The following GAREM1 variants were observed in gnomAD, a reference collection of about 807,000 sequenced individuals.
GAREM1 encodes the protein GRB2 associated regulator of MAPK1 subtype 1, also known as GRB2-associated and regulator of MAPK protein 1.
Under a neutral mutation model 71.3 loss-of-function variants are expected in GAREM1, and 26 were observed. The observed-to-expected ratio is 0.36, with a 90% CI of 0.27 to 0.51. The LOEUF (loss-of-function observed/expected upper bound fraction) is 0.51. Ranked by LOEUF, GAREM1 falls within the 20% of genes least tolerant of loss-of-function variation. The pLI is 0.95. For missense variants in GAREM1, 1,026 were observed against 1,103.1 expected (o/e 0.93, Z 0.99); for synonymous variants, 440 against 433.2 (o/e 1.02, Z -0.20).
chr18:32,294,142 C>T (rs2047115892), intron 3 of GAREM1, among the ~76,000 whole-genome samples: 1 of 152,166 alleles, frequency 6.6e-6, no homozygotes, highest in Non-Finnish European at 1.5e-5. Context: ...GTATCGTTAT[C>T]ACTGCTAATA....
intron 2 of GAREM1, among the ~76,000 whole-genome samples, chr18:32,358,296 G>A (rs1447772933): frequency 6.6e-6 from 1 of 152,080 alleles, no homozygotes; most frequent in East Asian, 1.9e-4. Context: ...CCCCTGCAGG[G>A]GAAGGGAACT....
chr18:32,301,503 A>C (rs1303898355), intron 3 of GAREM1, among the ~76,000 whole-genome samples: 1 of 148,878 alleles, frequency 6.7e-6, no homozygotes, highest in East Asian at 1.9e-4. Context: ...TGGAGGTCAC[A>C]CATGTGCTCT....
chr18:32,317,400 A>T (rs1172979093), intron 2 of GAREM1, among the ~76,000 whole-genome samples: 1 of 151,418 alleles, frequency 6.6e-6, no homozygotes, highest in African/African-American at 2.4e-5. Flanking sequence ...TCACAAAAAA[A>T]AAAAAAAAAA....
intron 1 of GAREM1, among the ~76,000 whole-genome samples, chr18:32,431,009 T>C (rs2048619421): frequency 6.6e-6 from 1 of 152,176 alleles, no homozygotes; most frequent in Non-Finnish European, 1.5e-5. Flanking sequence ...AATTTGAGTA[T>C]GAATCCCTTT....
chr18:32,300,906 C>CAAAAAAAAAAAAAAAAAAAAACAA (rs764891353), intron 3 of GAREM1, among the ~76,000 whole-genome samples: 1 of 83,342 alleles, frequency 1.2e-5, no homozygotes, highest in African/African-American at 3.7e-5. Context: ...AACTCCGTCT[C>CAAAAAAAAAAAAAAAAAAAAACAA]AAAAAAAAAA....
At chr18:32,355,534 T>C (rs915738398) in intron 2 of GAREM1, among the ~76,000 whole-genome samples, 10 of 152,186 alleles carry the variant, frequency 6.6e-5, no homozygotes, top group African/African-American at 2.4e-4. Flanking sequence ...GCTCAATGTT[T>C]CATCACTAAA....
intron 2 of GAREM1, among the ~76,000 whole-genome samples, chr18:32,389,490 A>G (rs2048176224): frequency 6.6e-6 from 1 of 152,194 alleles, no homozygotes; most frequent in Non-Finnish European, 1.5e-5. Flanking sequence ...TAGCTTGCCC[A>G]AAGTAATATA....
chr18:32,398,072 C>G (rs562253667), intron 1 of GAREM1, among the ~76,000 whole-genome samples: 3 of 152,220 alleles, frequency 2.0e-5, no homozygotes, highest in South Asian at 2.1e-4. Flanking sequence ...CTACTGGGTA[C>G]ATAACAAAAT....
intron 1 of GAREM1, among the ~76,000 whole-genome samples, chr18:32,414,987 C>G (rs2144689225): frequency 6.6e-6 from 1 of 151,772 alleles, no homozygotes; most frequent in Non-Finnish European, 1.5e-5. Context: ...AGGGAGAAGA[C>G]TCAAATAAAT....
intron 2 of GAREM1, 93 bp downstream of exon 2, chr18:32,392,802 T>C: frequency 7.4e-7 from 1 of 1,352,612 alleles, no homozygotes; most frequent in Non-Finnish European, 1.0e-6. Flanking sequence ...GTCATTCTAC[T>C]TTCTAGTTTA....
chr18:32,325,187 G>C (rs2047463331), intron 2 of GAREM1, among the ~76,000 whole-genome samples: 2 of 152,164 alleles, frequency 1.3e-5, no homozygotes, highest in Non-Finnish European at 1.5e-5. Flanking sequence ...TTGAACTCCT[G>C]ACCTCGTGAT....
At chr18:32,342,009 A>G (rs1005505624) in intron 2 of GAREM1, among the ~76,000 whole-genome samples, 2 of 152,088 alleles carry the variant, frequency 1.3e-5, no homozygotes, top group Non-Finnish European at 2.9e-5. Flanking sequence ...GCAGGCCACC[A>G]AAAAAGAAAA....
At chr18:32,457,542 AAAAG>A (rs1385486145) in intron 1 of GAREM1, among the ~76,000 whole-genome samples, 19 of 152,112 alleles carry the variant, frequency 1.2e-4, no homozygotes, top group Non-Finnish European at 2.1e-4. Context: ...AAGGGGAAAA[AAAAG>A]AAACAGAAGA....
At chr18:32,309,615 C>CAAA (rs11370938) in intron 3 of GAREM1, among the ~76,000 whole-genome samples, 1,952 of 13,854 alleles carry the variant, frequency 0.14, 366 homozygotes, top group African/African-American at 0.2. Context: ...GACTCAGTCT[C>CAAA]AAAAAAAAAA....
intron 2 of GAREM1, among the ~76,000 whole-genome samples, chr18:32,364,904 AAATC>A (rs2047914968): frequency 6.6e-6 from 1 of 151,790 alleles, no homozygotes; most frequent in Non-Finnish European, 1.5e-5. Context: ...ACACACACAC[AAATC>A]AAACACTTTA....
At chr18:32,270,142 G>A in intron 5 of GAREM1, 75 bp downstream of exon 5, 1 of 1,477,598 alleles carries the variant, frequency 6.8e-7, no homozygotes, top group South Asian at 1.2e-5. Context: ...GGGCTACCGT[G>A]AAAATGCTTT....
rs142444429 is a variant in GAREM1, at chr18:32,287,888, G to A, written c.709C>T (p.Arg237Cys). 19 of 1,614,010 alleles carry A rather than the reference G, an allele frequency of 1.2e-5. No homozygotes were observed. Among genetic ancestry groups the A allele is most frequent in the South Asian group, 7.7e-5 (7 of 91,066 alleles). Residue 237 changes from arginine (R) to cysteine (C), a missense_variant, in exon 4 of 6, where the codon CGC becomes TGC. This residue lies in a region of GAREM1 where 218 missense variants were observed against 296.8 expected (regional missense o/e 0.73). Coordinates refer to ENST00000269209, the MANE Select transcript of GAREM1 (RefSeq NM_001242409.2). The surrounding 1 kb of genome is among the most constrained non-coding windows in gnomAD (Gnocchi z 5.9). ...AGCCTGGTTTTCTCCACAATGTTGCGGATGGTGTGTTCGCCCTCTTGCATC... is the reference window on the plus strand; with the variant it reads ...AGCCTGGTTTTCTCCACAATGTTGCAGATGGTGTGTTCGCCCTCTTGCATC... ...LQMQEGEHTI[R>C]NIVEKTRLPV...
At chr18:32,309,927 A>G (rs2047298353) in intron 3 of GAREM1, among the ~76,000 whole-genome samples, 3 of 152,214 alleles carry the variant, frequency 2.0e-5, no homozygotes, top group Admixed American at 2.0e-4. Flanking sequence ...TCCAAATTTT[A>G]AAAAATATCA....
At position 32,287,365 on chromosome 18, in the gene GAREM1, C is replaced by A; in HGVS notation, c.1232G>T (p.Gly411Val). The change falls in exon 4 of 6, where the codon GGA becomes GTA. Residue 411 changes from glycine to valine, a missense_variant. By Grantham distance (109) the Gly-to-Val change is moderately radical. Transcript: ENST00000269209. This position sits in a 1 kb window ranked among gnomAD's most constrained non-coding sequence, Gnocchi z 5.9. ...GTCATGAGGAAAGGGAGCCCAATCT[C>A]CCCCCAGGTCCCTGCAACCATGAAG... ...VNLHGCRDLG[G>V]DWAPFPHDIL... 1 of 1,614,186 alleles carries A rather than the reference C, an allele frequency of 6.2e-7. No individual in the cohort carries two copies. Among genetic ancestry groups the A allele is most frequent in the Admixed American group, 1.7e-5 (1 of 60,018 alleles).
Sources: gnomAD v4.1 joint callset for allele counts (sites outside exome capture counted in the v4.1 genomes callset) on GRCh38, gnomAD v4.1.1 for gene constraint, gnomAD v4.1.1 regional missense constraint, Gnocchi (gnomAD v3.1) non-coding constraint, MANE v1.5 for transcripts, NCBI Gene and HGNC (gene_info 2026-07-23, HGNC 2026-07-21) for gene names.